The following DNAH1 variants were observed in gnomAD, a reference collection of about 807,000 sequenced individuals.
The protein encoded by DNAH1 is axonemal beta dynein heavy chain 1.
In DNAH1, 327 loss-of-function variants were observed where a neutral mutation model predicts 484.3. The observed-to-expected ratio is 0.68, with a 90% CI of 0.62 to 0.74. The LOEUF (loss-of-function observed/expected upper bound fraction) is 0.74, where lower values mean the gene tolerates loss of function less well. Among genes scored for constraint, DNAH1 ranks in the 30% least tolerant of loss-of-function variants. DNAH1 has a pLI of 0.00. For missense variants in DNAH1, 5,052 were observed against 5,546.8 expected (o/e 0.91, Z 2.83); for synonymous variants, 2,192 against 2,191.9 (o/e 1.00, Z 0.00).
intron 15 of DNAH1, 29 bp downstream of exon 15, chr3:52,350,137 A>C: frequency 4.4e-6 from 7 of 1,601,434 alleles, no homozygotes; most frequent in Non-Finnish European, 6.0e-6. Context: ...CACTGGGGCC[A>C]GGGAGGCACA....
intron 66 of DNAH1, 46 bp from the exon 67 acceptor site, chr3:52,394,419 G>C: frequency 1.3e-6 from 2 of 1,597,374 alleles, no homozygotes; most frequent in Non-Finnish European, 1.7e-6. Flanking sequence ...AGAGCAGGAG[G>C]AGCTGGCCAG....
chr3:52,320,909 T>C (rs887313503), intron 1 of DNAH1, among the ~76,000 whole-genome samples: 16 of 148,914 alleles, frequency 1.1e-4, no homozygotes, highest in African/African-American at 3.7e-4. Flanking sequence ...CAAGCGATTC[T>C]CCTGCCTCAG....
chr3:52,368,656 C>A lies in DNAH1; in HGVS notation c.5766-85C>A. ...TGAAGGAAAGTAGAGCCCGCCCACC[C>A]GGCGGCCAGGCTTCCCTGGGAGCCA... On this transcript the variant is annotated intron_variant, in intron 36 of 77. Transcript: ENST00000420323. The surrounding 1 kb of genome is among the most constrained non-coding windows in gnomAD (Gnocchi z 4.4). 1.4e-6 allele frequency: 2 copies of A among 1,435,306 alleles called. No homozygotes were observed. The highest frequency in any genetic ancestry group is 4.6e-5 in the East Asian group (2 of 43,318). 88.9% of individuals were successfully genotyped at this position (1,435,306 alleles called of 1,614,324 possible).
chr3:52,394,865 A>G, intron 67 of DNAH1, 50 bp from the exon 68 acceptor site: 1 of 1,598,762 alleles, frequency 6.3e-7, no homozygotes, highest in Non-Finnish European at 8.5e-7. Context: ...GGGGCCACCA[A>G]CCTCCTTCCA....
In DNAH1 at chr3:52,370,020, G is replaced by A; in HGVS notation, c.6138+1G>A. 1 of 1,612,942 alleles carries A rather than the reference G, an allele frequency of 6.2e-7. No homozygotes were observed. Among genetic ancestry groups the A allele is most frequent in the Non-Finnish European group, 8.5e-7 (1 of 1,179,044 alleles). On this transcript the variant is annotated splice_donor_variant, in intron 38 of 77. Transcript: ENST00000420323. LOFTEE classifies it high-confidence loss of function. Reference sequence around the variant, plus strand: ...GGCCCTCTTTGTCAGCTTCCTGGAGGTGAGTGAGGCCACGGGTATGTCTGA... The same window carrying A: ...GGCCCTCTTTGTCAGCTTCCTGGAGATGAGTGAGGCCACGGGTATGTCTGA...
rs1269369343 is a variant in DNAH1 at position 52,349,248 on chromosome 3, C to T, written c.2354C>T (p.Thr785Ile). ...CAGGAGGTGCGGGAGGTAGTGCTCA[C>T]CCACCTGCGGGAGAAGGAGATCCTG... is the stretch of plus-strand genomic sequence containing the variant. Reference protein sequence around the residue: ...LAQEVREVVLTHLREKEILDS... With the variant: ...LAQEVREVVLIHLREKEILDS... Residue 785 changes from threonine to isoleucine, a missense_variant, in exon 14 of 78, where the codon ACC becomes ATC. By Grantham distance (89) the Thr-to-Ile change is moderately conservative. Coordinates refer to ENST00000420323, the MANE Select transcript of DNAH1 (RefSeq NM_015512.5). 1.6e-5 allele frequency: 26 copies of T among 1,613,828 alleles called. No homozygotes were observed. The highest frequency in any genetic ancestry group is 1.0e-4 in the Admixed American group (6 of 60,006).
intron 72 of DNAH1, 23 bp downstream of exon 72, chr3:52,396,820 CCTGGGGGA>C (rs1309469408): frequency 8.7e-6 from 14 of 1,612,290 alleles, no homozygotes; most frequent in Non-Finnish European, 1.2e-5. Context: ...CAGACTGGGG[CCTGGGGGA>C]CTGGGCACTT....
Position 52,378,711 on chromosome 3 carries a change from C to T in DNAH1, c.7308C>T (p.Tyr2436=), listed in dbSNP as rs1703712205. ...TGCCCACTCCAGCCAAGTCCCACTA[C>T]ACCTTCAACCTGAGGGACCTCTCCA... The part of the protein sequence containing the change: ...QLLPTPAKSH[Y]TFNLRDLSKV... The change falls in exon 47 of 78, where the codon TAC becomes TAT. Residue 2436 remains tyrosine (Y), a synonymous_variant. Coordinates refer to ENST00000420323, the MANE Select transcript of DNAH1 (RefSeq NM_015512.5). The T allele has an allele frequency of 2.5e-6, 4 of 1,613,744 alleles. No homozygotes were observed. The highest frequency in any genetic ancestry group is 3.4e-6 in the Non-Finnish European group (4 of 1,179,892).
rs1314816511 is a variant in DNAH1 at position 52,382,327 on chromosome 3, T to A, written c.7813T>A (p.Tyr2605Asn). ...LTRLASHMAE[Y>N]ECFQIELSKN... ...CCAAACTTCTGCCTCCAGGGCCGAG[T>A]ACGAGTGCTTCCAGATTGAACTATC... The change falls in exon 50 of 78, where the codon TAC becomes AAC. Residue 2605 changes from tyrosine (Y) to asparagine (N), a missense_variant. Physicochemically the swap from Tyr to Asn is moderately radical, Grantham distance 143. Transcript: ENST00000420323. The A allele has an allele frequency of 6.2e-7, 1 of 1,613,902 alleles. No homozygotes were observed. Among genetic ancestry groups the A allele is most frequent in the Admixed American group, 1.7e-5 (1 of 60,012 alleles).
chr3:52,366,965 T>C (rs1171003564), intron 36 of DNAH1, 78 bp downstream of exon 36: 9 of 1,512,340 alleles, frequency 6.0e-6, no homozygotes, highest in Non-Finnish European at 7.2e-6. Context: ...CACCCCTCCC[T>C]CCATTAGCCC....
At position 52,364,960 on chromosome 3, in the gene DNAH1, G is replaced by A. The variant is rs1703012499; in HGVS notation, c.5459G>A (p.Gly1820Asp). Residue 1820 changes from glycine (G) to aspartate (D), a missense_variant, in exon 34 of 78, where the codon GGC becomes GAC. Physicochemically the swap from Gly to Asp is moderately conservative, Grantham distance 94. Coordinates refer to ENST00000420323, the MANE Select transcript of DNAH1 (RefSeq NM_015512.5). The surrounding 1 kb of genome is among the most constrained non-coding windows in gnomAD (Gnocchi z 4.2). ...PTIKEEDTDY[G>D]ILDEAIREAC... is the part of the protein sequence containing the mutation. ...ATCAAGGAGGAGGACACGGACTACG[G>A]CATCCTGGATGAGGCCATCCGCGAG... The A allele has an allele frequency of 1.9e-6, 3 of 1,613,944 alleles. No individual in the cohort carries two copies. The highest frequency in any genetic ancestry group is 2.2e-5 in the East Asian group (1 of 44,878).
chr3:52,374,736 G>A (rs1235832157), intron 44 of DNAH1: 11 of 1,243,904 alleles, frequency 8.8e-6, no homozygotes, highest in South Asian at 3.6e-5. Context: ...GATATACAAC[G>A]CCCTGAATCT....
chr3:52,350,299 G>A (rs1424923355), intron 15 of DNAH1, among the ~76,000 whole-genome samples, 191 bp downstream of exon 15: 4 of 152,066 alleles, frequency 2.6e-5, no homozygotes, highest in Non-Finnish European at 4.4e-5. Context: ...GGGTAGGGGG[G>A]AGCTGGAAGC....
At position 52,398,917 on chromosome 3, in the gene DNAH1, G is replaced by A. The variant is rs200708752; in HGVS notation, c.12157G>A (p.Val4053Ile). 109 of 1,611,178 alleles carry A rather than the reference G, an allele frequency of 6.8e-5. No individual in the cohort carries two copies. Among genetic ancestry groups the A allele is most frequent in the Non-Finnish European group, 9.1e-5 (107 of 1,178,170 alleles). ...CCTACTCAAGGCACTCAAGGGGCTG[G>A]TAGTGATGTCCTCTCAGCTGGAGCT... ...QDLLKALKGL[V>I]VMSSQLELMA... is the part of the protein sequence containing the mutation. Residue 4053 changes from valine to isoleucine, a missense_variant, in exon 76 of 78, where the codon GTA becomes ATA. This residue lies in a region of DNAH1 where 853 missense variants were observed against 899.0 expected (regional missense o/e 0.95). Coordinates refer to ENST00000420323, the MANE Select transcript of DNAH1 (RefSeq NM_015512.5).
intron 34 of DNAH1, among the ~76,000 whole-genome samples, chr3:52,365,583 G>A (rs762321588): frequency 6.6e-6 from 1 of 152,086 alleles, no homozygotes; most frequent in African/African-American, 2.4e-5. Flanking sequence ...CTCTCATCCC[G>A]AACCCTCGCC....
At chr3:52,375,518 C>T in intron 45 of DNAH1, 105 bp downstream of exon 45, 1 of 1,267,970 alleles carries the variant, frequency 7.9e-7, no homozygotes, top group Non-Finnish European at 1.1e-6. Flanking sequence ...GTGGCCAAAC[C>T]ATGACCGCAA....
rs570089691 is a variant in DNAH1, at chr3:52,371,805, G to A, written c.6526-141G>A. 787 of 1,251,490 alleles carry A rather than the reference G, an allele frequency of 6.3e-4. 1 individual carries two copies. Among genetic ancestry groups the A allele is most frequent in the African/African-American group, 2.4e-3 (163 of 66,672 alleles). The allele number at this position is 1,251,490 out of a possible 1,614,324, so 77.5% of individuals were successfully genotyped here. ...GGGCACAGGACTTTCCATTTCCGCCGGAAGCAGCCCTGCACCTGGACCCGC... is the reference window on the plus strand; with the variant it reads ...GGGCACAGGACTTTCCATTTCCGCCAGAAGCAGCCCTGCACCTGGACCCGC... On this transcript the variant is annotated intron_variant, in intron 41 of 77. Coordinates refer to ENST00000420323, the MANE Select transcript of DNAH1 (RefSeq NM_015512.5).
chr3:52,350,180 G>T, intron 15 of DNAH1, 72 bp downstream of exon 15: 2 of 1,565,774 alleles, frequency 1.3e-6, no homozygotes, highest in Non-Finnish European at 1.7e-6. Flanking sequence ...GGCTGGGGCA[G>T]GCAGGGGCTG....
upstream of DNAH1, among the ~76,000 whole-genome samples, chr3:52,314,870 A>G (rs887099750): frequency 2.6e-5 from 4 of 152,178 alleles, no homozygotes; most frequent in African/African-American, 9.7e-5. Context: ...GCAGGGGATT[A>G]GGTGGGGGCT....
Sources: allele counts gnomAD v4.1 joint callset (sites outside exome capture counted in the v4.1 genomes callset), GRCh38; gene constraint gnomAD v4.1.1; regional missense constraint gnomAD v4.1.1; non-coding constraint Gnocchi (gnomAD v3.1); transcripts MANE v1.5; gene names NCBI Gene and HGNC (gene_info 2026-07-23, HGNC 2026-07-21).